ZHX2: variants seen among roughly 807,000 people sequenced by gnomAD.
ZHX2 encodes the protein zinc fingers and homeoboxes 2.
In ZHX2, 6 loss-of-function variants were observed where a neutral mutation model predicts 21.9. The ratio of observed to expected loss-of-function variants is 0.27; its 90% confidence interval spans 0.15 to 0.54. ZHX2 has a LOEUF of 0.54. Ranked by LOEUF, ZHX2 falls within the 20% of genes least tolerant of loss-of-function variation. The probability of loss-of-function intolerance (pLI) is 0.95; values close to 1 mark genes in which losing one functional copy is unlikely to be tolerated. For synonymous variants in ZHX2, 434 were observed against 437.1 expected, an observed-to-expected ratio of 0.99 and a Z score of 0.09; for missense variants, 908 against 1,090.7, an observed-to-expected ratio of 0.83 and a Z score of 2.36.
rs368473656 is a variant in ZHX2, at chr8:122,928,290, G to A, written c.-219-23002G>A. 3.0e-4 allele frequency among the ~76,000 whole-genome samples: 45 copies of A among 152,290 alleles called. 1 individual carries two copies. In the East Asian group the frequency reaches 5.2e-3, roughly 18 times the overall value. The stretch of plus-strand genomic sequence containing the variant: ...CTTTTGAGAATATTGGCTTATCGGG[G>A]AAACTGGATTGTTTTGTTCACTACT... On this transcript the variant is annotated intron_variant, in intron 2 of 3. Coordinates refer to ENST00000314393, the MANE Select transcript of ZHX2 (RefSeq NM_014943.5).
rs1217176340 is a variant in ZHX2 at position 122,973,460 on chromosome 8, C to T, written c.*223C>T. ...TCATAGTGCCAAAGTCCTACTACTG[C>T]GTTTTCAATGGGTCCTTGTACATAG... On this transcript the variant is annotated 3_prime_UTR_variant, in exon 4 of 4. Coordinates refer to ENST00000314393, the MANE Select transcript of ZHX2 (RefSeq NM_014943.5). 1.5e-4 allele frequency: 23 copies of T among 152,696 alleles called. No homozygotes were observed. The highest frequency in any genetic ancestry group is 1.9e-4 in the East Asian group (1 of 5,186). 9.5% of individuals were successfully genotyped at this position (152,696 alleles called of 1,614,324 possible).
chr8:122,864,016 C>A (rs1357583435), intron 2 of ZHX2, among the ~76,000 whole-genome samples: 1 of 151,972 alleles, frequency 6.6e-6, no homozygotes, highest in Non-Finnish European at 1.5e-5. Flanking sequence ...CAGCTGTTGA[C>A]TCCACCTAAG....
At chr8:122,802,302 A>G (rs1334826152) in intron 1 of ZHX2, among the ~76,000 whole-genome samples, 1 of 152,138 alleles carries the variant, frequency 6.6e-6, no homozygotes, top group African/African-American at 2.4e-5. Flanking sequence ...GCCTCCAGTG[A>G]TCCACCCACC....
chr8:122,943,664 A>G (rs1812900891), intron 2 of ZHX2, among the ~76,000 whole-genome samples: 2 of 152,184 alleles, frequency 1.3e-5, no homozygotes, highest in Non-Finnish European at 2.9e-5. Flanking sequence ...TTAAAGGAGA[A>G]ACTTGGAGGT....
intron 1 of ZHX2, among the ~76,000 whole-genome samples, chr8:122,814,802 AC>A (rs1817998438): frequency 6.6e-6 from 1 of 152,132 alleles, no homozygotes; most frequent in African/African-American, 2.4e-5. Flanking sequence ...TAGTTGGGGT[AC>A]CCAGTAGAAG....
At chr8:122,956,443 C>T (rs1813305606) in intron 3 of ZHX2, among the ~76,000 whole-genome samples, 1 of 152,094 alleles carries the variant, frequency 6.6e-6, no homozygotes, top group Admixed American at 6.5e-5. Context: ...GGTCAGGGCT[C>T]AGAGGAGGAA....
intron 2 of ZHX2, among the ~76,000 whole-genome samples, chr8:122,942,217 C>CG (rs1185935859): frequency 1.3e-5 from 2 of 151,966 alleles, no homozygotes; most frequent in African/African-American, 2.4e-5. Context: ...AATGCCTTCT[C>CG]GGGGGGTGTC....
chr8:122,886,905 A>G (rs1042164615), intron 2 of ZHX2, among the ~76,000 whole-genome samples: 2 of 152,192 alleles, frequency 1.3e-5, no homozygotes, highest in East Asian at 3.9e-4. Context: ...GCAAGGCCCT[A>G]TTAGTATCTT....
chr8:122,862,678 A>G (rs964222885), intron 1 of ZHX2, among the ~76,000 whole-genome samples: 5 of 152,204 alleles, frequency 3.3e-5, no homozygotes, highest in African/African-American at 1.2e-4. Flanking sequence ...TCCTTTGAAA[A>G]CAGGAATGGA....
chr8:122,829,583 C>T (rs189883506), intron 1 of ZHX2, among the ~76,000 whole-genome samples: 4 of 152,262 alleles, frequency 2.6e-5, no homozygotes, highest in Admixed American at 2.6e-4. Flanking sequence ...TGGGGAAAAA[C>T]ATATTTCTAT....
rs1813181315 is a variant in ZHX2, at chr8:122,953,214, G to A, written c.1704G>A (p.Leu568=). 1 of 1,613,922 alleles carries A rather than the reference G, an allele frequency of 6.2e-7. No individual in the cohort carries two copies. Among genetic ancestry groups the A allele is most frequent in the Non-Finnish European group, 8.5e-7 (1 of 1,180,002 alleles). The change falls in exon 3 of 4, where the codon CTG becomes CTA. Residue 568 remains leucine, a synonymous_variant. Coordinates refer to ENST00000314393, the MANE Select transcript of ZHX2 (RefSeq NM_014943.5). The surrounding 1 kb of genome is among the most constrained non-coding windows in gnomAD (Gnocchi z 4.6). ...ELDRLRVETK[L]SRREIDSWFS... The stretch of plus-strand genomic sequence containing the variant: ...ATCGGCTAAGGGTGGAGACCAAGCT[G>A]AGCAGGAGAGAGATCGACTCCTGGT...
rs778453223 is a variant in ZHX2 at position 122,951,987 on chromosome 8, C to A, written c.477C>A (p.Thr159=). ...TCTTGGAACAGTCCATCGAAACCACCAACCATGTCGTGTCCATCACCACCA... is the reference window on the plus strand; with the variant it reads ...TCTTGGAACAGTCCATCGAAACCACAAACCATGTCGTGTCCATCACCACCA... ...QTVLEQSIET[T]NHVVSITTSG... is the part of the protein sequence containing the mutation. Residue 159 remains threonine, a synonymous_variant, in exon 3 of 4, where the codon ACC becomes ACA. Coordinates refer to ENST00000314393, the MANE Select transcript of ZHX2 (RefSeq NM_014943.5). The A allele has an allele frequency of 1.2e-6, 2 of 1,613,914 alleles. No individual in the cohort carries two copies. Among genetic ancestry groups the A allele is most frequent in the Admixed American group, 3.3e-5 (2 of 59,996 alleles).
rs1820954349 is a variant in ZHX2, at chr8:122,930,361, A to G, written c.-219-20931A>G. 2.0e-5 allele frequency among the ~76,000 whole-genome samples: 3 copies of G among 152,230 alleles called. No homozygotes were observed. The South Asian group carries it at 6.2e-4, about 32-fold the overall frequency. ...GCAACACTTTACAGAATTGCTTAGA[A>G]ATGTGAAAGAGGGATTGCGGAAGAA... On this transcript the variant is annotated intron_variant, in intron 2 of 3. Coordinates refer to ENST00000314393, the MANE Select transcript of ZHX2 (RefSeq NM_014943.5).
chr8:122,966,283 G>A (rs1563610769), intron 3 of ZHX2, among the ~76,000 whole-genome samples: 3 of 152,026 alleles, frequency 2.0e-5, no homozygotes, highest in African/African-American at 7.2e-5. Context: ...TTCTATTTTA[G>A]TGTATTTTGG....
rs1174597080 is a variant in ZHX2, at chr8:122,849,543, G to A, written c.-282-13934G>A. Among the ~76,000 whole-genome samples, 3 of 152,062 alleles carry A rather than the reference G, an allele frequency of 2.0e-5. No homozygotes were observed. In the East Asian group the frequency reaches 5.8e-4, roughly 29 times the overall value. ...TTTTTTGCCTCTTCTGGCTTCGGGT[G>A]CTGCTGGCATTCCTTGTGGCTGCAT... is the stretch of plus-strand genomic sequence containing the variant. On this transcript the variant is annotated intron_variant, in intron 1 of 3. Transcript: ENST00000314393.
chr8:122,817,628 G>A (rs922677235), intron 1 of ZHX2, among the ~76,000 whole-genome samples: 2 of 152,232 alleles, frequency 1.3e-5, no homozygotes, highest in Non-Finnish European at 2.9e-5. Flanking sequence ...GCAGTAAGGG[G>A]ACAGTGCCAG....
intron 2 of ZHX2, among the ~76,000 whole-genome samples, chr8:122,905,676 T>C (rs963104501): frequency 5.9e-5 from 9 of 152,272 alleles, no homozygotes; most frequent in African/African-American, 2.2e-4. Context: ...AAGAAGCCTA[T>C]GAGAAGGAAG....
intron 2 of ZHX2, among the ~76,000 whole-genome samples, chr8:122,919,886 C>T (rs1206620048): frequency 2.6e-5 from 4 of 152,292 alleles, no homozygotes; most frequent in Admixed American, 1.3e-4. Flanking sequence ...AAATATATCA[C>T]GCAGAAAATA....
intron 1 of ZHX2, among the ~76,000 whole-genome samples, chr8:122,819,656 C>A (rs994010269): frequency 1.1e-4 from 16 of 152,210 alleles, no homozygotes; most frequent in Admixed American, 2.0e-4. Context: ...TGTCCTGCTC[C>A]ATGGGGACCC....
Sources: gnomAD v4.1 joint callset for allele counts (sites outside exome capture counted in the v4.1 genomes callset) on GRCh38, gnomAD v4.1.1 for gene constraint, Gnocchi (gnomAD v3.1) non-coding constraint, MANE v1.5 for transcripts, NCBI Gene and HGNC (gene_info 2026-07-23, HGNC 2026-07-21) for gene names.